The following EPHA1 variants were observed in gnomAD, a reference collection of about 807,000 sequenced individuals.
EPHA1 encodes the protein EPH receptor A1.
In EPHA1, 92 loss-of-function variants were observed where a neutral mutation model predicts 110.1. The ratio of observed to expected loss-of-function variants is 0.84; its 90% confidence interval spans 0.71 to 0.99. EPHA1 has a LOEUF of 0.99. Ranked by LOEUF, EPHA1 falls within the 50% of genes least tolerant of loss-of-function variation. The pLI is 0.00. For missense variants in EPHA1, 1,204 were observed against 1,285.4 expected, an observed-to-expected ratio of 0.94 and a Z score of 0.97; for synonymous variants, 500 against 516.1, an observed-to-expected ratio of 0.97 and a Z score of 0.42.
rs924985434 is a variant in EPHA1 at position 143,401,732 on chromosome 7, C to T, written c.151-127G>A. On this transcript the variant is annotated intron_variant, in intron 2 of 17. Coordinates refer to ENST00000275815, the MANE Select transcript of EPHA1 (RefSeq NM_005232.5). The surrounding 1 kb of genome is among the most constrained non-coding windows in gnomAD (Gnocchi z 4.1). ...GTTTATGCTACTTGTTCTGCCTCTC[C>T]CCACCCCTCAGCTCCAGGACAGTAG... The T allele has an allele frequency of 2.7e-6, 3 of 1,130,398 alleles. No individual in the cohort carries two copies. The highest frequency in any genetic ancestry group is 3.1e-5 in the African/African-American group (2 of 64,576). 70.0% of individuals were successfully genotyped at this position (1,130,398 alleles called of 1,614,324 possible).
rs762406186 is a variant in EPHA1, at chr7:143,399,985, A to G, written c.501T>C (p.Asn167=). 3.7e-6 allele frequency: 6 copies of G among 1,614,016 alleles called. No homozygotes were observed. The highest frequency in any genetic ancestry group is 5.1e-6 in the Non-Finnish European group (6 of 1,179,984). Residue 167 remains asparagine (N), a synonymous_variant, in exon 4 of 18, where the codon AAT becomes AAC. Transcript: ENST00000275815. The stretch of plus-strand genomic sequence containing the variant: ...GGCGGCCCAGAGAGCAGCGCTCCAC[A>G]TTCAGCTTCACGGAGCCAGACACAA... ...RDLVSGSVKL[N]VERCSLGRLT...
In EPHA1 at chr7:143,393,592, A is replaced by C. The variant is rs566983921; in HGVS notation, c.2696+79T>G. On this transcript the variant is annotated intron_variant, in intron 16 of 17. Transcript: ENST00000275815. This position sits in a 1 kb window ranked among gnomAD's most constrained non-coding sequence, Gnocchi z 5.6. ...CCAGAGCTCCCCAGGCCCAGCGCTC[A>C]AAGAAGATTGGCTGAATGCCCATTT... The C allele has an allele frequency of 3.3e-6, 5 of 1,515,962 alleles. No homozygotes were observed. The South Asian group carries it at 6.3e-5, about 19-fold the overall frequency. 93.9% of individuals were successfully genotyped at this position (1,515,962 alleles called of 1,614,324 possible). A position where few individuals can be genotyped will look rare whatever the true frequency, so the allele number is the denominator to read the frequency against.
At position 143,401,044 on chromosome 7, in the gene EPHA1, C is replaced by T. The variant is rs1474567926; in HGVS notation, c.432+280G>A. On this transcript the variant is annotated intron_variant, in intron 3 of 17. Transcript: ENST00000275815. This position sits in a 1 kb window ranked among gnomAD's most constrained non-coding sequence, Gnocchi z 4.1. ...GAGTCGCTGGGACTACAGGTATGGGCCACCATGCCCAGGTGATTTTTAATT... is the reference window on the plus strand; with the variant it reads ...GAGTCGCTGGGACTACAGGTATGGGTCACCATGCCCAGGTGATTTTTAATT... 6 of 447,852 alleles carry T rather than the reference C, an allele frequency of 1.3e-5. No individual in the cohort carries two copies. Among genetic ancestry groups the T allele is most frequent in the Non-Finnish European group, 2.4e-5 (6 of 245,418 alleles). 27.7% of individuals were successfully genotyped at this position (447,852 alleles called of 1,614,324 possible). A position where few individuals can be genotyped will look rare whatever the true frequency, so the allele number is the denominator to read the frequency against.
chr7:143,394,041 C>T (rs1805168774), intron 15 of EPHA1, among the ~76,000 whole-genome samples, 153 bp downstream of exon 15: 1 of 151,624 alleles, frequency 6.6e-6, no homozygotes, highest in South Asian at 2.1e-4. Context: ...GAGAGCAGGG[C>T]ATGAGGTGAA....
In EPHA1 at chr7:143,397,845, CG is replaced by C. The variant is rs1805302376; in HGVS notation, c.1615+74del. 3.9e-5 allele frequency: 62 copies of C among 1,586,356 alleles called. No individual in the cohort carries two copies. In the South Asian group the frequency reaches 6.8e-4, roughly 17 times the overall value. ...TGTAGAGGAAGAGGAAAAGTCACTA[CG>C]TGGAACAGGAGCTGAGTTGCCTCAG... On this transcript the variant is annotated intron_variant, in intron 8 of 17. Coordinates refer to ENST00000275815, the MANE Select transcript of EPHA1 (RefSeq NM_005232.5).
Position 143,396,530 on chromosome 7 carries a change from T to G in EPHA1, c.1772-20A>C. The G allele has an allele frequency of 1.9e-6, 3 of 1,612,528 alleles. No individual in the cohort carries two copies. Among genetic ancestry groups the G allele is most frequent in the Non-Finnish European group, 2.5e-6 (3 of 1,179,034 alleles). ...TGTCCTCTATGGGCAGAACATGAGG[T>G]TGGGGAGTACCAACATCAGGGCTCA... On this transcript the variant is annotated intron_variant, in intron 10 of 17. Transcript: ENST00000275815.
intron 1 of EPHA1, 41 bp downstream of exon 1, chr7:143,408,683 C>CGGGGCGCGGGGGTTG (rs1313714278): frequency 1.8e-5 from 5 of 285,412 alleles, no homozygotes; most frequent in East Asian, 5.3e-5. Flanking sequence ...CGGGAAGGGG[C>CGGGGCGCGGGGGTTG]GGGGCGCGGG....
At position 143,408,521 on chromosome 7, in the gene EPHA1, C is replaced by G. The variant is rs566430350; in HGVS notation, c.82+203G>C. On this transcript the variant is annotated intron_variant, in intron 1 of 17. Coordinates refer to ENST00000275815, the MANE Select transcript of EPHA1 (RefSeq NM_005232.5). ...GGCCTGCGGGAGTGGGGGTGACTGA[C>G]CCGGGAGAGCAGCCGCTTGGGGTTA... Among the ~76,000 whole-genome samples, 324 of 152,094 alleles carry G rather than the reference C, an allele frequency of 2.1e-3. 1 individual carries two copies. Among genetic ancestry groups the G allele is most frequent in the African/African-American group, 7.3e-3 (304 of 41,490 alleles).
In EPHA1 at chr7:143,399,713, G is replaced by C. The variant is rs1805363595; in HGVS notation, c.773C>G (p.Pro258Arg). ...HCSPDGEWLV[P>R]VGRCHCEPGY... ...AGGCTCACAGTGGCACCGTCCTACA[G>C]GCACCAGCCACTCGCCATCAGGGCT... The change falls in exon 4 of 18, where the codon CCT (proline) becomes CGT (arginine). Residue 258 changes from proline (P) to arginine (R), a missense_variant. Physicochemically the swap from Pro to Arg is moderately radical, Grantham distance 103. Transcript: ENST00000275815. 6.2e-7 allele frequency: 1 copy of C among 1,613,834 alleles called. No homozygotes were observed. The highest frequency in any genetic ancestry group is 8.5e-7 in the Non-Finnish European group (1 of 1,180,028).
rs993369891 is a variant in EPHA1 at position 143,395,405 on chromosome 7, T to C, written c.1997A>G (p.Gln666Arg). 6.2e-7 allele frequency: 1 copy of C among 1,614,110 alleles called. No homozygotes were observed. The highest frequency in any genetic ancestry group is 8.5e-7 in the Non-Finnish European group (1 of 1,180,052). ...TGCCTCTCGAAGGAAGTTCCACCACTGGCCACCTGGGGATGTGTCTTTTAA... is the reference window on the plus strand; with the variant it reads ...TGCCTCTCGAAGGAAGTTCCACCACCGGCCACCTGGGGATGTGTCTTTTAA... ...KTLKDTSPGG[Q>R]WWNFLREATI... The change falls in exon 12 of 18, where the codon CAG becomes CGG. Residue 666 changes from glutamine (Q) to arginine (R), a missense_variant. Coordinates refer to ENST00000275815, the MANE Select transcript of EPHA1 (RefSeq NM_005232.5). This position sits in a 1 kb window ranked among gnomAD's most constrained non-coding sequence, Gnocchi z 4.7.
chr7:143,398,899 A>C lies in EPHA1; in HGVS notation c.1038T>G (p.Thr346=). The C allele has an allele frequency of 3.6e-5, 58 of 1,613,274 alleles. No homozygotes were observed. Among genetic ancestry groups the C allele is most frequent in the Non-Finnish European group, 4.8e-5 (57 of 1,179,742 alleles). Residue 346 remains threonine, a synonymous_variant, in exon 6 of 18, where the codon ACT becomes ACG. Coordinates refer to ENST00000275815, the MANE Select transcript of EPHA1 (RefSeq NM_005232.5). The stretch of plus-strand genomic sequence containing the variant: ...GGGGTTCCCAACGCAGGGAGAGCTG[A>C]GTCCCTGAGGCAGAGAAGCTCAGGT... ...PRNLSFSASG[T]QLSLRWEPPA...
chr7:143,407,542 C>G (rs1805588726), intron 2 of EPHA1, 69 bp downstream of exon 2: 14 of 1,498,130 alleles, frequency 9.3e-6, no homozygotes, highest in Non-Finnish European at 5.6e-6. Context: ...TTCCTCCACC[C>G]ACCTCTCCAC....
chr7:143,404,218 CTTTT>C (rs11296361), intron 2 of EPHA1, among the ~76,000 whole-genome samples: 1 of 146,074 alleles, frequency 6.8e-6, no homozygotes, highest in Admixed American at 6.8e-5. Flanking sequence ...AGAGATATAT[CTTTT>C]TTTTTTTTTT....
chr7:143,408,218 C>T (rs1407678519), intron 1 of EPHA1, among the ~76,000 whole-genome samples: 1 of 152,076 alleles, frequency 6.6e-6, no homozygotes, highest in Admixed American at 6.6e-5. Context: ...GGGAGTAAGG[C>T]CGGAGAGGGT....
intron 5 of EPHA1, 49 bp from the exon 6 acceptor site, chr7:143,398,994 G>A (rs1055431110): frequency 5.4e-6 from 8 of 1,490,738 alleles, no homozygotes; most frequent in Admixed American, 2.1e-5. Flanking sequence ...GCTGTCACCC[G>A]AGCTGCTGAT....
At position 143,395,483 on chromosome 7, in the gene EPHA1, C is replaced by T. The variant is rs761006248; in HGVS notation, c.1919G>A (p.Arg640Gln). ...CTGGCTGGGGAGCCTCAGGGTCCCT[C>T]GATACACTTCCCCAAACTCTCCTGG... ...IGEGEFGEVYRGTLRLPSQDC... is the reference protein window; with the variant it reads ...IGEGEFGEVYQGTLRLPSQDC... Residue 640 changes from arginine (R) to glutamine (Q), a missense_variant, in exon 12 of 18, where the codon CGA becomes CAA. Arg to Gln is a conservative substitution (Grantham distance 43, BLOSUM62 1). Transcript: ENST00000275815. This position sits in a 1 kb window ranked among gnomAD's most constrained non-coding sequence, Gnocchi z 4.7. 5.0e-6 allele frequency: 8 copies of T among 1,614,156 alleles called. No individual in the cohort carries two copies. The highest frequency in any genetic ancestry group is 2.2e-5 in the South Asian group (2 of 91,082).
chr7:143,407,707 A>T (rs1805593891), intron 1 of EPHA1, 29 bp from the exon 2 acceptor site: 1 of 1,607,750 alleles, frequency 6.2e-7, no homozygotes, highest in Non-Finnish European at 8.5e-7. Flanking sequence ...GAAGTCTGTC[A>T]CCTCTGGGGG....
At chr7:143,405,310 C>G (rs928597278) in intron 2 of EPHA1, among the ~76,000 whole-genome samples, 6 of 152,166 alleles carry the variant, frequency 3.9e-5, no homozygotes, top group Admixed American at 3.9e-4. Context: ...CCAGTTCCAG[C>G]AGTGACAGAT....
chr7:143,398,980 C>T, intron 5 of EPHA1, 35 bp from the exon 6 acceptor site: 1 of 1,527,266 alleles, frequency 6.5e-7, no homozygotes, highest in Non-Finnish European at 8.8e-7. Context: ...TAGAAGCCGA[C>T]CTCGCTGTCA....
Sources: gnomAD v4.1 joint callset for allele counts (sites outside exome capture counted in the v4.1 genomes callset) on GRCh38, gnomAD v4.1.1 for gene constraint, Gnocchi (gnomAD v3.1) non-coding constraint, MANE v1.5 for transcripts, NCBI Gene and HGNC (gene_info 2026-07-23, HGNC 2026-07-21) for gene names.